ACTR3C: variants seen among roughly 807,000 people sequenced by gnomAD.
ACTR3C encodes the protein actin-related protein 3C.
A neutral mutation model predicts 26.3 loss-of-function variants in ACTR3C; 18 were observed. That is an observed-to-expected ratio of 0.68 (90% CI 0.47 to 1.01). The LOEUF is 1.01. ACTR3C is among the 50% of genes least tolerant of loss of function. The probability of loss-of-function intolerance (pLI) is 0.00; values close to 1 mark genes in which losing one functional copy is unlikely to be tolerated. For missense variants in ACTR3C, 184 were observed against 250.7 expected (o/e 0.73, Z 1.80); for synonymous variants, 55 against 94.5 (o/e 0.58, Z 2.42).
the ACTR3C span, among the ~76,000 whole-genome samples, chr7:150,129,294 G>A: frequency 3.9e-5 from 6 of 152,096 alleles, no homozygotes; most frequent in African/African-American, 1.4e-4. Flanking sequence ...CTGAATGGTT[G>A]AATACTGAAC....
chr7:150,222,394 G>A, the ACTR3C span, among the ~76,000 whole-genome samples: 1 of 152,204 alleles, frequency 6.6e-6, no homozygotes, highest in Non-Finnish European at 1.5e-5. Flanking sequence ...GGAAACTGAG[G>A]CTCAGAAATA....
At chr7:150,216,060 G>A in the ACTR3C span, among the ~76,000 whole-genome samples, 8 of 150,820 alleles carry the variant, frequency 5.3e-5, no homozygotes, top group Non-Finnish European at 8.9e-5. Flanking sequence ...AGAACCCATG[G>A]CTAGTCACAT....
the ACTR3C span, among the ~76,000 whole-genome samples, chr7:150,148,434 A>C: frequency 6.6e-6 from 1 of 152,032 alleles, no homozygotes. Flanking sequence ...CTGGGATCAC[A>C]CCACTGGACT....
At chr7:150,080,648 T>C in the ACTR3C span, among the ~76,000 whole-genome samples, 1 of 151,820 alleles carries the variant, frequency 6.6e-6, no homozygotes, top group Non-Finnish European at 1.5e-5. Context: ...GACACCTAGA[T>C]GGACAGTTCT....
the ACTR3C span, among the ~76,000 whole-genome samples, chr7:149,912,561 G>C: frequency 1.3e-5 from 2 of 150,248 alleles, no homozygotes; most frequent in African/African-American, 4.9e-5. Flanking sequence ...AGAGTGCAGT[G>C]GCGCGATCTC....
the ACTR3C span, among the ~76,000 whole-genome samples, chr7:150,041,754 G>C: frequency 4.1e-5 from 6 of 145,208 alleles, no homozygotes; most frequent in East Asian, 4.1e-4. Context: ...AGAGCCAGGG[G>C]GGGGAAGAGG....
chr7:150,106,176 T>A, the ACTR3C span, among the ~76,000 whole-genome samples: 1 of 151,742 alleles, frequency 6.6e-6, no homozygotes, highest in African/African-American at 2.4e-5. Flanking sequence ...GATGGATGGC[T>A]CTTTCTAGAC....
At chr7:150,223,229 T>C in the ACTR3C span, among the ~76,000 whole-genome samples, 1 of 152,218 alleles carries the variant, frequency 6.6e-6, no homozygotes, top group African/African-American at 2.4e-5. Context: ...AGGTCCATCA[T>C]GTTTTTGCAT....
the ACTR3C span, among the ~76,000 whole-genome samples, chr7:150,199,631 A>G: frequency 7.6e-6 from 1 of 131,038 alleles, no homozygotes; most frequent in Non-Finnish European, 1.5e-5. Flanking sequence ...AAAAAAAATA[A>G]ATAAAAATAA....
the ACTR3C span, among the ~76,000 whole-genome samples, chr7:150,039,564 G>GA: frequency 6.7e-6 from 1 of 148,966 alleles, no homozygotes; most frequent in African/African-American, 2.5e-5. Flanking sequence ...GGGGAAGAGG[G>GA]ACTGGCTCTC....
chr7:150,104,243 G>C, the ACTR3C span, among the ~76,000 whole-genome samples: 2 of 151,378 alleles, frequency 1.3e-5, no homozygotes, highest in African/African-American at 2.4e-5. Flanking sequence ...GCCAGAGGAG[G>C]TTTTCCTGAG....
chr7:150,230,040 C>T, the ACTR3C span, among the ~76,000 whole-genome samples: 2 of 150,214 alleles, frequency 1.3e-5, no homozygotes, highest in Non-Finnish European at 3.0e-5. Flanking sequence ...GCCTGACCAA[C>T]ATGGCAAAAC....
the ACTR3C span, among the ~76,000 whole-genome samples, chr7:150,130,055 T>C: frequency 2.6e-5 from 4 of 152,232 alleles, no homozygotes; most frequent in South Asian, 8.3e-4. Context: ...TCAATAAAAG[T>C]GCAAGTAAAA....
At chr7:149,882,570 C>A in the ACTR3C span, among the ~76,000 whole-genome samples, 4 of 152,208 alleles carry the variant, frequency 2.6e-5, no homozygotes, top group Admixed American at 6.5e-5. Flanking sequence ...CACTCCCTGG[C>A]ACGATCTGGT....
the ACTR3C span, among the ~76,000 whole-genome samples, chr7:149,949,458 C>T: frequency 1.4e-5 from 2 of 147,606 alleles, no homozygotes; most frequent in East Asian, 3.9e-4. Flanking sequence ...AAACCTCCCC[C>T]ACCCAACCTA....
chr7:150,104,146 A>G, the ACTR3C span, among the ~76,000 whole-genome samples: 34 of 151,344 alleles, frequency 2.2e-4, 1 homozygote, highest in African/African-American at 8.3e-4. Flanking sequence ...TTTACACAGA[A>G]GAAGATTGCT....
chr7:149,893,128 A>C, the ACTR3C span, among the ~76,000 whole-genome samples: 1 of 152,210 alleles, frequency 6.6e-6, no homozygotes, highest in Non-Finnish European at 1.5e-5. Context: ...TCCATTTTCC[A>C]TTCAAATTTC....
the ACTR3C span, among the ~76,000 whole-genome samples, chr7:149,981,423 A>G: frequency 6.6e-6 from 1 of 151,574 alleles, no homozygotes; most frequent in South Asian, 2.1e-4. Context: ...AAACTCACGA[A>G]GGTCACTAAT....
chr7:150,290,514 A>G (rs1027035463), intron 3 of ACTR3C, among the ~76,000 whole-genome samples: 3 of 152,102 alleles, frequency 2.0e-5, no homozygotes, highest in Non-Finnish European at 2.9e-5. Context: ...ACGTTACAGC[A>G]CATCACAGCT....
Sources: gnomAD v4.1 joint callset for allele counts (sites outside exome capture counted in the v4.1 genomes callset) on GRCh38, gnomAD v4.1.1 for gene constraint, MANE v1.5 for transcripts, NCBI Gene and HGNC (gene_info 2026-07-23, HGNC 2026-07-21) for gene names.